The following ARB2A variants were observed in gnomAD, a reference collection of about 807,000 sequenced individuals.
The protein encoded by ARB2A is ARB2 cotranscriptional regulator A.
chr5:93,829,283 C>T, the ARB2A span, among the ~76,000 whole-genome samples: 4 of 152,092 alleles, frequency 2.6e-5, no homozygotes, highest in Non-Finnish European at 4.4e-5. Flanking sequence ...GGGAGCAACT[C>T]GAAGTAACCT....
chr5:93,653,511 CAAAAAAAAAAAAAAAAAAAAAAAAAAAA>C, the ARB2A span, among the ~76,000 whole-genome samples: 55 of 31,404 alleles, frequency 1.8e-3, no homozygotes, highest in Admixed American at 4.0e-3. Context: ...GACTCCGTCT[CAAAAAAAAAAAAAAAAAAAAAAAAAAAA>C]AAAAAAAAAA....
the ARB2A span, among the ~76,000 whole-genome samples, chr5:93,660,952 G>GGGAGAGCT: frequency 1.3e-4 from 20 of 152,132 alleles, no homozygotes; most frequent in Non-Finnish European, 2.2e-4. Context: ...ATGTTCTAGA[G>GGGAGAGCT]GGAGAGCTGG....
At chr5:93,966,815 T>C in the ARB2A span, among the ~76,000 whole-genome samples, 2 of 152,102 alleles carry the variant, frequency 1.3e-5, no homozygotes, top group East Asian at 1.9e-4. Flanking sequence ...CTGAATATCA[T>C]TGTCTAACAT....
chr5:93,852,772 C>T, the ARB2A span, among the ~76,000 whole-genome samples: 30 of 151,902 alleles, frequency 2.0e-4, no homozygotes, highest in Admixed American at 6.6e-4. Context: ...TGTAGATATG[C>T]GGCGTTATTT....
the ARB2A span, among the ~76,000 whole-genome samples, chr5:93,811,771 C>T: frequency 6.6e-6 from 1 of 152,036 alleles, no homozygotes; most frequent in African/African-American, 2.4e-5. Flanking sequence ...GGATAGTGCC[C>T]GGTGCATTAT....
At chr5:93,863,557 C>A in the ARB2A span, 4 of 152,154 alleles carry the variant, frequency 2.6e-5, no homozygotes, top group East Asian at 7.7e-4. Context: ...GTGTGAGCCA[C>A]TGCACCTGTC....
the ARB2A span, among the ~76,000 whole-genome samples, chr5:94,023,911 C>T: frequency 6.6e-6 from 1 of 152,062 alleles, no homozygotes; most frequent in Non-Finnish European, 1.5e-5. Flanking sequence ...ACATATCAAC[C>T]TTGTTTGTGG....
the ARB2A span, among the ~76,000 whole-genome samples, chr5:93,901,656 T>C: frequency 6.6e-6 from 1 of 152,152 alleles, no homozygotes; most frequent in African/African-American, 2.4e-5. Context: ...CTAGTTCTTT[T>C]GTTACTTGCT....
the ARB2A span, among the ~76,000 whole-genome samples, chr5:93,660,357 A>G: frequency 6.6e-6 from 1 of 152,152 alleles, no homozygotes; most frequent in Non-Finnish European, 1.5e-5. Context: ...ACATATAGGT[A>G]ATAAGTCCTC....
chr5:93,619,229 G>A, the ARB2A span: 2 of 152,236 alleles, frequency 1.3e-5, no homozygotes, highest in African/African-American at 4.8e-5. Context: ...GATGTTGTTG[G>A]GGTTTACTCA....
At chr5:94,053,245 T>A in the ARB2A span, 6 of 1,245,194 alleles carry the variant, frequency 4.8e-6, no homozygotes, top group Admixed American at 1.1e-4. Context: ...AGAAATGATA[T>A]GAAATTTACT....
the ARB2A span, among the ~76,000 whole-genome samples, chr5:93,790,281 A>T: frequency 6.6e-6 from 1 of 152,230 alleles, no homozygotes; most frequent in Non-Finnish European, 1.5e-5. Flanking sequence ...ATAATAGGTC[A>T]TCCCACAAAA....
At chr5:94,067,414 T>C in the ARB2A span, among the ~76,000 whole-genome samples, 2 of 152,166 alleles carry the variant, frequency 1.3e-5, no homozygotes, top group African/African-American at 4.8e-5. Flanking sequence ...TTGCATCTGA[T>C]ATAATCTTAT....
At chr5:93,762,416 G>A in the ARB2A span, among the ~76,000 whole-genome samples, 77 of 152,336 alleles carry the variant, frequency 5.1e-4, no homozygotes, top group African/African-American at 1.9e-3. Flanking sequence ...ACAAGCCTCA[G>A]TAGTCAATTC....
chr5:93,899,582 AAG>A, the ARB2A span, among the ~76,000 whole-genome samples: 1 of 152,164 alleles, frequency 6.6e-6, no homozygotes, highest in African/African-American at 2.4e-5. Flanking sequence ...TGAAGGACAT[AAG>A]AGGGGAACAG....
At chr5:93,736,312 A>G in the ARB2A span, 3 of 152,222 alleles carry the variant, frequency 2.0e-5, no homozygotes, top group African/African-American at 7.2e-5. Flanking sequence ...TCTGAAAACT[A>G]AAGTTGTTAC....
the ARB2A span, among the ~76,000 whole-genome samples, chr5:93,693,044 G>C: frequency 6.6e-6 from 1 of 152,098 alleles, no homozygotes. Flanking sequence ...CTGGGACACA[G>C]TGAAAGCAGT....
At chr5:93,821,970 A>G in the ARB2A span, among the ~76,000 whole-genome samples, 2 of 151,904 alleles carry the variant, frequency 1.3e-5, no homozygotes, top group Admixed American at 1.3e-4. Context: ...AACAACGTAT[A>G]TTACATTAAA....
the ARB2A span, among the ~76,000 whole-genome samples, chr5:93,980,828 T>C: frequency 1.3e-5 from 2 of 152,158 alleles, no homozygotes; most frequent in African/African-American, 4.8e-5. Context: ...ACCTTTTTAA[T>C]GTTTTCAAGC....
Sources: allele counts gnomAD v4.1 joint callset (sites outside exome capture counted in the v4.1 genomes callset), GRCh38; gene constraint gnomAD v4.1.1; transcripts MANE v1.5; gene names NCBI Gene and HGNC (gene_info 2026-07-23, HGNC 2026-07-21).